The following MYT1L variants were observed in gnomAD, a reference collection of about 807,000 sequenced individuals.
MYT1L encodes the protein myelin transcription factor 1-like protein.
MYT1L carries 12 observed loss-of-function variants against 126.7 expected under a neutral mutation model. That is an observed-to-expected ratio of 0.09 (90% CI 0.06 to 0.15). The LOEUF (loss-of-function observed/expected upper bound fraction) is 0.15. Ranked by LOEUF, MYT1L falls within the 10% of genes least tolerant of loss-of-function variation. The pLI is 1.00. For missense variants in MYT1L, 979 were observed against 1,585.2 expected, an observed-to-expected ratio of 0.62 and a Z score of 6.49; for synonymous variants, 541 against 604.2, an observed-to-expected ratio of 0.90 and a Z score of 1.53.
At chr2:2,068,236 T>C (rs1319619030) in intron 3 of MYT1L, among the ~76,000 whole-genome samples, 4 of 152,128 alleles carry the variant, frequency 2.6e-5, no homozygotes, top group African/African-American at 9.7e-5. Context: ...GCTGATACCC[T>C]GGCCAGCAGA....
At chr2:1,839,438 G>T in intron 20 of MYT1L, 68 bp from the exon 21 acceptor site, 1 of 1,395,998 alleles carries the variant, frequency 7.2e-7, no homozygotes, top group Non-Finnish European at 1.0e-6. Flanking sequence ...CTGTAACAAA[G>T]TCAGAATAAC....
At chr2:2,220,160 C>T (rs2093815270) in intron 2 of MYT1L, among the ~76,000 whole-genome samples, 1 of 152,140 alleles carries the variant, frequency 6.6e-6, no homozygotes. Flanking sequence ...ATATGAGTGA[C>T]CATGGCACGT....
At chr2:2,274,321 G>C (rs1417541277) in intron 2 of MYT1L, among the ~76,000 whole-genome samples, 4 of 148,778 alleles carry the variant, frequency 2.7e-5, no homozygotes, top group Non-Finnish European at 3.0e-5. Context: ...AAGGAAAAAA[G>C]GAAGGAAGGA....
chr2:1,911,985 C>G, intron 12 of MYT1L, 35 bp downstream of exon 12: 1 of 1,500,324 alleles, frequency 6.7e-7, no homozygotes, highest in Non-Finnish European at 9.1e-7. Context: ...GCAGCCGGTG[C>G]TCCCTCCCAC....
chr2:2,004,806 T>C (rs1328541962), intron 4 of MYT1L, among the ~76,000 whole-genome samples: 2 of 149,864 alleles, frequency 1.3e-5, no homozygotes, highest in Admixed American at 1.3e-4. Context: ...ATGTGTTCTT[T>C]CCTGCAGGCA....
chr2:2,001,478 T>C (rs1213971151), intron 4 of MYT1L, among the ~76,000 whole-genome samples: 1 of 152,190 alleles, frequency 6.6e-6, no homozygotes, highest in Admixed American at 6.5e-5. Flanking sequence ...ACAAGGTACA[T>C]TATATGTAAA....
Position 1,792,011 on chromosome 2 carries a change from C to G in MYT1L, c.3421-4G>C. On this transcript the variant is annotated splice_polypyrimidine_tract_variant and splice_region_variant and intron_variant, in intron 24 of 24. Transcript: ENST00000647738. Reference sequence around the variant, plus strand: ...AATTTTGTTCATTGATTGGATCCTACGAGATATTAAATAGTAGTTCATATA... The same window carrying G: ...AATTTTGTTCATTGATTGGATCCTAGGAGATATTAAATAGTAGTTCATATA... 1 of 1,576,208 alleles carries G rather than the reference C, an allele frequency of 6.3e-7. No homozygotes were observed. The highest frequency in any genetic ancestry group is 1.2e-5 in the South Asian group (1 of 84,840).
intron 3 of MYT1L, among the ~76,000 whole-genome samples, chr2:2,148,814 G>C (rs1471955499): frequency 6.6e-6 from 1 of 152,102 alleles, no homozygotes; most frequent in Non-Finnish European, 1.5e-5. Context: ...GCCTCCAAAA[G>C]GCAGATATTG....
intron 1 of MYT1L, among the ~76,000 whole-genome samples, chr2:2,318,222 G>A (rs1284908744): frequency 6.6e-6 from 1 of 152,124 alleles, no homozygotes; most frequent in Non-Finnish European, 1.5e-5. Flanking sequence ...TTGGAATGTT[G>A]ATATTTACCA....
chr2:1,868,550 G>A (rs1224264922), intron 18 of MYT1L, among the ~76,000 whole-genome samples: 1 of 152,174 alleles, frequency 6.6e-6, no homozygotes, highest in Non-Finnish European at 1.5e-5. Flanking sequence ...CAAGGAGCAG[G>A]TCTCCAGAGC....
At chr2:2,329,271 G>A (rs1227472040) in intron 1 of MYT1L, among the ~76,000 whole-genome samples, 2 of 124,402 alleles carry the variant, frequency 1.6e-5, no homozygotes, top group African/African-American at 3.0e-5. Context: ...AGGCAAGGAA[G>A]AATCCAACCA....
intron 2 of MYT1L, among the ~76,000 whole-genome samples, chr2:2,276,840 C>T (rs185549157): frequency 6.6e-6 from 1 of 152,278 alleles, no homozygotes; most frequent in Admixed American, 6.5e-5. Flanking sequence ...TACTCCACAC[C>T]CCCCTGGAAG....
At chr2:1,804,337 G>C (rs1353465578) in intron 22 of MYT1L, among the ~76,000 whole-genome samples, 1 of 152,144 alleles carries the variant, frequency 6.6e-6, no homozygotes, top group African/African-American at 2.4e-5. Flanking sequence ...GGCCAGGCTG[G>C]TCTTGAACTC....
At chr2:2,206,801 C>G (rs886792637) in intron 2 of MYT1L, among the ~76,000 whole-genome samples, 3 of 152,186 alleles carry the variant, frequency 2.0e-5, no homozygotes, top group African/African-American at 7.2e-5. Flanking sequence ...CTACTATAGA[C>G]CAGTGTCTTT....
At chr2:1,884,881 C>T (rs574890172) in intron 18 of MYT1L, among the ~76,000 whole-genome samples, 3 of 152,138 alleles carry the variant, frequency 2.0e-5, no homozygotes, top group Non-Finnish European at 2.9e-5. Flanking sequence ...AGGTGGGGAC[C>T]GTCACACCAT....
chr2:2,328,496 T>C (rs148430077), intron 1 of MYT1L, among the ~76,000 whole-genome samples: 3 of 152,296 alleles, frequency 2.0e-5, no homozygotes, highest in East Asian at 3.9e-4. Flanking sequence ...TGTACACCAC[T>C]CATATGTGGT....
chr2:1,893,746 C>T (rs956305238), intron 14 of MYT1L, among the ~76,000 whole-genome samples: 1 of 152,224 alleles, frequency 6.6e-6, no homozygotes, highest in African/African-American at 2.4e-5. Flanking sequence ...AGCTTTCTCA[C>T]ATTGCTGATA....
intron 8 of MYT1L, among the ~76,000 whole-genome samples, chr2:1,964,552 A>C (rs114277941): frequency 0.014 from 2,085 of 152,318 alleles, 12 homozygotes; most frequent in Middle Eastern, 0.024. Flanking sequence ...AAACGCCTCC[A>C]AAATACTTTG....
At chr2:1,969,821 G>T (rs2059673122) in intron 8 of MYT1L, among the ~76,000 whole-genome samples, 1 of 152,196 alleles carries the variant, frequency 6.6e-6, no homozygotes, top group Admixed American at 6.5e-5. Flanking sequence ...ACAGCAGGAG[G>T]TGCAGGAGGA....
Sources: gnomAD v4.1 joint callset for allele counts (sites outside exome capture counted in the v4.1 genomes callset) on GRCh38, gnomAD v4.1.1 for gene constraint, MANE v1.5 for transcripts, NCBI Gene and HGNC (gene_info 2026-07-23, HGNC 2026-07-21) for gene names.